Variants in R3HCC1L observed in about 807,000 individuals in gnomAD.
R3HCC1L encodes the protein R3H domain and coiled-coil containing 1 like.
Under a neutral mutation model 59.9 loss-of-function variants are expected in R3HCC1L, and 51 were observed. The ratio of observed to expected loss-of-function variants is 0.85; its 90% CI spans 0.68 to 1.07. The LOEUF is 1.07. R3HCC1L is among the 50% of genes least tolerant of loss of function. The pLI, the probability that R3HCC1L is intolerant of heterozygous loss-of-function variation, is 0.00. For missense variants in R3HCC1L, 965 were observed against 933.0 expected, an observed-to-expected ratio of 1.03 and a Z score of -0.45; for synonymous variants, 322 against 315.2, an observed-to-expected ratio of 1.02 and a Z score of -0.23.
chr10:98,194,579 T>C (rs1425651479), intron 4 of R3HCC1L, among the ~76,000 whole-genome samples: 1 of 152,162 alleles, frequency 6.6e-6, no homozygotes, highest in Non-Finnish European at 1.5e-5. Context: ...AACCATATAT[T>C]AGACTAGGGG....
chr10:98,244,039 T>A, intron 9 of R3HCC1L, 52 bp from the exon 10 acceptor site: 3 of 1,540,410 alleles, frequency 1.9e-6, no homozygotes, highest in Admixed American at 1.7e-5. Flanking sequence ...TAAGGGAAAG[T>A]CATTGGTTAT....
intron 5 of R3HCC1L, among the ~76,000 whole-genome samples, chr10:98,216,284 C>T (rs1387606780): frequency 6.6e-6 from 1 of 152,070 alleles, no homozygotes; most frequent in Non-Finnish European, 1.5e-5. Flanking sequence ...GAGGCCGAGG[C>T]AGGTGGATCG....
At chr10:98,164,608 A>G (rs1471028975) in intron 4 of R3HCC1L, among the ~76,000 whole-genome samples, 4 of 152,106 alleles carry the variant, frequency 2.6e-5, no homozygotes, top group Non-Finnish European at 5.9e-5. Flanking sequence ...GCAGCTGGCT[A>G]TAAAGAGTGA....
chr10:98,137,764 A>T (rs545045979), intron 1 of R3HCC1L, among the ~76,000 whole-genome samples: 20 of 152,340 alleles, frequency 1.3e-4, no homozygotes, highest in Admixed American at 1.2e-3. Context: ...CTTCATTTAC[A>T]ACCTGTAGTA....
At chr10:98,232,156 T>G (rs1057189993) in intron 6 of R3HCC1L, among the ~76,000 whole-genome samples, 3 of 152,106 alleles carry the variant, frequency 2.0e-5, no homozygotes, top group African/African-American at 7.2e-5. Context: ...GCCTGGCTAA[T>G]TTTTGTATTT....
chr10:98,224,814 G>A (rs966663814), intron 5 of R3HCC1L, among the ~76,000 whole-genome samples: 4 of 152,150 alleles, frequency 2.6e-5, no homozygotes, highest in Non-Finnish European at 4.4e-5. Flanking sequence ...AAAAAATATT[G>A]TGAAGGTTTC....
At position 98,209,272 on chromosome 10, in the gene R3HCC1L, T is replaced by C. The variant is rs1853219900; in HGVS notation, c.1158T>C (p.Ser386=). ...CMMDTTGMSC[S]DHVTVDSPYV... is the part of the protein sequence containing the mutation. ...TGGACACTACAGGTATGTCCTGTAGTGATCATGTAACTGTTGATAGCCCTT... is the reference window on the plus strand; with the variant it reads ...TGGACACTACAGGTATGTCCTGTAGCGATCATGTAACTGTTGATAGCCCTT... Residue 386 remains serine, a synonymous_variant, in exon 5 of 10, where the codon AGT becomes AGC. Coordinates refer to ENST00000298999, the MANE Select transcript of R3HCC1L (RefSeq NM_001351015.2). 6.2e-7 allele frequency: 1 copy of C among 1,613,834 alleles called. No individual in the cohort carries two copies. The highest frequency in any genetic ancestry group is 8.5e-7 in the Non-Finnish European group (1 of 1,179,836).
In R3HCC1L at chr10:98,161,320, A is replaced by G. The variant is rs552858465; in HGVS notation, c.-212-1563A>G. Among the ~76,000 whole-genome samples the G allele has an allele frequency of 2.6e-5, 4 of 152,222 alleles. No homozygotes were observed. The South Asian group carries it at 6.2e-4, about 24-fold the overall frequency. On this transcript the variant is annotated intron_variant, in intron 2 of 9. Transcript: ENST00000298999. ...TCATATGTTTAAGGGTCATTTTTATATCTTTTTGTGTGAAATATATCTTCA... is the reference window on the plus strand; with the variant it reads ...TCATATGTTTAAGGGTCATTTTTATGTCTTTTTGTGTGAAATATATCTTCA...
chr10:98,154,331 T>C (rs1279469476), intron 1 of R3HCC1L, among the ~76,000 whole-genome samples: 1 of 152,080 alleles, frequency 6.6e-6, no homozygotes, highest in Non-Finnish European at 1.5e-5. Context: ...GTGGGCATGC[T>C]TGTATGGAGG....
intron 4 of R3HCC1L, among the ~76,000 whole-genome samples, chr10:98,206,962 C>T (rs1176847320): frequency 1.3e-5 from 2 of 152,236 alleles, no homozygotes; most frequent in South Asian, 4.1e-4. Context: ...ATCAGGGCCA[C>T]GGTATTACTT....
intron 4 of R3HCC1L, among the ~76,000 whole-genome samples, chr10:98,204,403 CA>C (rs991759379): frequency 6.3e-5 from 9 of 142,906 alleles, no homozygotes; most frequent in Admixed American, 6.9e-5. Flanking sequence ...AAAACTGTCT[CA>C]AAAAAAAAAG....
At chr10:98,222,908 C>T (rs1420358455) in intron 5 of R3HCC1L, among the ~76,000 whole-genome samples, 6 of 152,314 alleles carry the variant, frequency 3.9e-5, no homozygotes, top group Non-Finnish European at 7.3e-5. Context: ...ATACTATAAA[C>T]ACCTCTACGC....
intron 5 of R3HCC1L, among the ~76,000 whole-genome samples, chr10:98,229,434 A>G (rs1391244258): frequency 6.6e-6 from 1 of 152,128 alleles, no homozygotes; most frequent in East Asian, 1.9e-4. Context: ...TTGATTTTGT[A>G]TCCTGAGATT....
chr10:98,242,595 T>C (rs760897944), intron 9 of R3HCC1L, among the ~76,000 whole-genome samples: 2 of 152,210 alleles, frequency 1.3e-5, no homozygotes, highest in Non-Finnish European at 2.9e-5. Flanking sequence ...TTGTTTTGAT[T>C]TTGGAATTGT....
At chr10:98,222,361 T>C (rs372428197) in intron 5 of R3HCC1L, among the ~76,000 whole-genome samples, 1 of 151,158 alleles carries the variant, frequency 6.6e-6, no homozygotes, top group East Asian at 1.9e-4. Context: ...CCTAATTGAA[T>C]ACCCTTTATT....
rs761884500 is a variant in R3HCC1L, at chr10:98,208,858, A to T, written c.744A>T (p.Gln248His). Residue 248 changes from glutamine (Q) to histidine (H), a missense_variant, in exon 5 of 10, where the codon CAA becomes CAT. Gln to His is a conservative substitution (Grantham distance 24, BLOSUM62 0). Coordinates refer to ENST00000298999, the MANE Select transcript of R3HCC1L (RefSeq NM_001351015.2). ...KLSSDSEIVQ[Q>H]SMQTSDGILN... ...GCTCTGATTCTGAAATTGTACAACAAAGCATGCAAACATCAGATGGAATAT... is the reference window on the plus strand; with the variant it reads ...GCTCTGATTCTGAAATTGTACAACATAGCATGCAAACATCAGATGGAATAT... 1.2e-5 allele frequency: 20 copies of T among 1,614,172 alleles called. No individual in the cohort carries two copies. The highest frequency in any genetic ancestry group is 1.6e-5 in the Non-Finnish European group (19 of 1,180,016).
chr10:98,243,292 A>G (rs756772423), intron 9 of R3HCC1L, among the ~76,000 whole-genome samples: 11 of 152,222 alleles, frequency 7.2e-5, no homozygotes, highest in Non-Finnish European at 1.3e-4. Context: ...CTTACCATCT[A>G]TGATGTAGGC....
intron 5 of R3HCC1L, among the ~76,000 whole-genome samples, chr10:98,221,208 C>T (rs1854898617): frequency 6.6e-6 from 1 of 151,868 alleles, no homozygotes; most frequent in Admixed American, 6.5e-5. Flanking sequence ...TGTCCTTCGC[C>T]CACTTGTTGA....
chr10:98,208,244 A>G lies in R3HCC1L; in HGVS notation c.130A>G (p.Asn44Asp). 1.2e-6 allele frequency: 2 copies of G among 1,614,096 alleles called. No homozygotes were observed. The highest frequency in any genetic ancestry group is 1.7e-6 in the Non-Finnish European group (2 of 1,179,994). Residue 44 changes from asparagine to aspartate, a missense_variant, in exon 5 of 10, where the codon AAC becomes GAC. Coordinates refer to ENST00000298999, the MANE Select transcript of R3HCC1L (RefSeq NM_001351015.2). ...GDEEESCGSPNSVVKEKQKES... is the reference protein window; with the variant it reads ...GDEEESCGSPDSVVKEKQKES... The stretch of plus-strand genomic sequence containing the variant: ...TGAAGAAGAAAGCTGTGGTTCACCT[A>G]ACTCTGTGGTGAAAGAAAAGCAAAA...
Sources: allele counts gnomAD v4.1 joint callset (sites outside exome capture counted in the v4.1 genomes callset), GRCh38; gene constraint gnomAD v4.1.1; transcripts MANE v1.5; gene names NCBI Gene and HGNC (gene_info 2026-07-23, HGNC 2026-07-21).